ACSS1: variants seen among roughly 807,000 people sequenced by gnomAD.
ACSS1 encodes acyl-CoA synthetase short chain family member 1.
Under a neutral mutation model 75.3 loss-of-function variants are expected in ACSS1, and 42 were observed. The ratio of observed to expected loss-of-function variants is 0.56; its 90% CI spans 0.44 to 0.72. The LOEUF (loss-of-function observed/expected upper bound fraction) is 0.72. Among genes scored for constraint, ACSS1 ranks in the 30% least tolerant of loss-of-function variants. ACSS1 has a pLI of 0.00. For missense variants in ACSS1, 782 were observed against 935.7 expected (o/e 0.84, Z 2.14); for synonymous variants, 380 against 376.8 (o/e 1.01, Z -0.10).
chr20:25,052,423 C>T (rs2122767957), intron 1 of ACSS1, among the ~76,000 whole-genome samples: 1 of 152,284 alleles, frequency 6.6e-6, no homozygotes. Context: ...TCTCAGAGGC[C>T]CACACCATTT....
At chr20:25,057,682 C>G in intron 1 of ACSS1, 87 bp downstream of exon 1, 4 of 1,367,012 alleles carry the variant, frequency 2.9e-6, no homozygotes, top group Non-Finnish European at 3.0e-6. Context: ...CCGCGCTGCC[C>G]GGGGACGGCT....
In ACSS1 at chr20:25,058,040, C is replaced by T. The variant is rs975410656; in HGVS notation, c.63G>A (p.Ser21=). The T allele has an allele frequency of 9.6e-6, 13 of 1,358,896 alleles. No homozygotes were observed. Among genetic ancestry groups the T allele is most frequent in the Admixed American group, 4.0e-5 (1 of 25,170 alleles). The allele number at this position is 1,358,896 out of a possible 1,614,324, so 84.2% of individuals were successfully genotyped here. ...GRLLGSLRGL[S]GQPARPPCGV... ...CGCACGGCGGCCGCGCGGGCTGCCC[C>T]GAGAGCCCTCGCAGGCTGCCCAGCA... is the stretch of plus-strand genomic sequence containing the variant. The change falls in exon 1 of 14, where the codon TCG becomes TCA. Residue 21 remains serine, a synonymous_variant. Coordinates refer to ENST00000323482, the MANE Select transcript of ACSS1 (RefSeq NM_032501.4).
At chr20:25,020,173 C>T (rs779171138) in intron 6 of ACSS1, 26 bp from the exon 7 acceptor site, 29 of 1,613,540 alleles carry the variant, frequency 1.8e-5, no homozygotes, top group Non-Finnish European at 2.1e-5. Context: ...AATTCACTGT[C>T]AGCAGGAGAG....
intron 3 of ACSS1, among the ~76,000 whole-genome samples, chr20:25,024,776 T>G (rs1486413621): frequency 6.6e-6 from 1 of 152,146 alleles, no homozygotes; most frequent in Non-Finnish European, 1.5e-5. Context: ...AGGCCCACCC[T>G]TTCTCCTCCT....
At chr20:25,052,875 T>G (rs1422630497) in intron 1 of ACSS1, among the ~76,000 whole-genome samples, 1 of 152,208 alleles carries the variant, frequency 6.6e-6, no homozygotes, top group African/African-American at 2.4e-5. Context: ...GGGTTTGGTA[T>G]TTTGTTTTAA....
intron 8 of ACSS1, 131 bp downstream of exon 8, chr20:25,015,007 T>C (rs1306497090): frequency 1.4e-6 from 1 of 697,044 alleles, no homozygotes. Context: ...GCTCCAGGGT[T>C]TCCGCAGTCT....
intron 2 of ACSS1, among the ~76,000 whole-genome samples, chr20:25,041,602 A>G (rs2089005658): frequency 6.6e-6 from 1 of 152,252 alleles, no homozygotes; most frequent in African/African-American, 2.4e-5. Flanking sequence ...GAGCCCTTCC[A>G]CAAAAGTGGC....
Position 25,048,069 on chromosome 20 carries a change from T to C in ACSS1, c.431+16A>G, listed in dbSNP as rs1301301316. On this transcript the variant is annotated intron_variant, in intron 2 of 13. Transcript: ENST00000323482. ...GGGCGCCTCCCTCGCACCTTGAACA[T>C]TCGAGGGCACAGTACCTGTAGGTGA... 2 of 1,612,392 alleles carry C rather than the reference T, an allele frequency of 1.2e-6. No individual in the cohort carries two copies. The highest frequency in any genetic ancestry group is 2.2e-5 in the East Asian group (1 of 44,768).
intron 12 of ACSS1, chr20:25,010,810 A>G (rs534851718): frequency 1.3e-5 from 2 of 152,558 alleles, no homozygotes; most frequent in African/African-American, 4.8e-5. Context: ...CGAGGCAGGC[A>G]AGGCTCAGGA....
Position 25,047,829 on chromosome 20 carries a change from AC to A in ACSS1, c.431+255del, listed in dbSNP as rs200183570. On this transcript the variant is annotated intron_variant, in intron 2 of 13. Transcript: ENST00000323482. Reference sequence around the variant, plus strand: ...CTAAAAAGATCAGCTTAAAAACAAAACAACTCTACTAAAGATGATTTTATTT... The same window carrying A: ...CTAAAAAGATCAGCTTAAAAACAAAAAACTCTACTAAAGATGATTTTATTT... Among the ~76,000 whole-genome samples the A allele has an allele frequency of 2.8e-3, 419 of 152,244 alleles. 1 individual carries two copies. The highest frequency in any genetic ancestry group is 9.2e-3 in the African/African-American group (383 of 41,492).
chr20:25,032,655 C>T (rs1261189486), intron 2 of ACSS1: 6 of 1,219,982 alleles, frequency 4.9e-6, no homozygotes, highest in Non-Finnish European at 5.1e-6. Context: ...AGGCCGCTCG[C>T]AGCGTGTTTG....
chr20:25,009,194 C>T, intron 13 of ACSS1, 76 bp downstream of exon 13: 1 of 1,281,826 alleles, frequency 7.8e-7, no homozygotes, highest in African/African-American at 1.5e-5. Context: ...GTAATATGCT[C>T]CTAAAAGATC....
intron 1 of ACSS1, among the ~76,000 whole-genome samples, chr20:25,054,814 ATGGAGTCACTCTTGCTAAAGTG>A (rs1164263308): frequency 6.6e-6 from 1 of 152,254 alleles, no homozygotes; most frequent in African/African-American, 2.4e-5. Flanking sequence ...TCACACAAAA[ATGGAGTCACTCTTGCTAAAGTG>A]CGGTGTCACC....
intron 3 of ACSS1, among the ~76,000 whole-genome samples, chr20:25,029,016 T>C (rs371086685): frequency 5.3e-5 from 8 of 151,898 alleles, no homozygotes; most frequent in African/African-American, 1.7e-4. Flanking sequence ...AGCAACAAAA[T>C]AAAAAATAGA....
chr20:25,055,183 C>T (rs969118793), intron 1 of ACSS1, among the ~76,000 whole-genome samples: 1 of 152,202 alleles, frequency 6.6e-6, no homozygotes, highest in Non-Finnish European at 1.5e-5. Flanking sequence ...TCATCCCCAT[C>T]GGGCCCTGTC....
chr20:25,009,177 G>A lies in ACSS1; in HGVS notation c.1890+93C>T, dbSNP rs1199065194. The A allele has an allele frequency of 8.7e-6, 10 of 1,150,666 alleles. No homozygotes were observed. In the Admixed American group the frequency reaches 1.5e-4, roughly 17 times the overall value. The allele number at this position is 1,150,666 out of a possible 1,614,324, so 71.3% of individuals were successfully genotyped here. A position where few individuals can be genotyped will look rare whatever the true frequency, so the allele number is the denominator to read the frequency against. ...CTAGTGTCCGTTTTGATGCTAATTG[G>A]AAAAGAGTAATATGCTCCTAAAAGA... On this transcript the variant is annotated intron_variant, in intron 13 of 13. Coordinates refer to ENST00000323482, the MANE Select transcript of ACSS1 (RefSeq NM_032501.4).
chr20:25,015,005 G>A (rs940733543), intron 8 of ACSS1, 133 bp downstream of exon 8: 24 of 687,730 alleles, frequency 3.5e-5, no homozygotes, highest in Non-Finnish European at 5.5e-5. Flanking sequence ...AGGCTCCAGG[G>A]TTTCCGCAGT....
intron 13 of ACSS1, 89 bp downstream of exon 13, chr20:25,009,181 A>T: frequency 8.6e-7 from 1 of 1,165,738 alleles, no homozygotes; most frequent in South Asian, 1.3e-5. Context: ...TAATTGGAAA[A>T]GAGTAATATG....
At chr20:25,020,233 C>A in intron 6 of ACSS1, 86 bp from the exon 7 acceptor site, 1 of 1,576,488 alleles carries the variant, frequency 6.3e-7, no homozygotes, top group South Asian at 1.1e-5. Flanking sequence ...TTCCTGAGTG[C>A]TGGGCATGTG....
Sources: gnomAD v4.1 joint callset for allele counts (sites outside exome capture counted in the v4.1 genomes callset) on GRCh38, gnomAD v4.1.1 for gene constraint, MANE v1.5 for transcripts, NCBI Gene and HGNC (gene_info 2026-07-23, HGNC 2026-07-21) for gene names.